The following IHO1 variants were observed in gnomAD, a reference collection of about 807,000 sequenced individuals.
IHO1 encodes the protein interactor of HORMAD1 protein 1.
In IHO1, 13 loss-of-function variants were observed where a neutral mutation model predicts 31.0. The ratio of observed to expected loss-of-function variants is 0.42; its 90% CI spans 0.27 to 0.67. IHO1 has a LOEUF of 0.67. Ranked by LOEUF, IHO1 falls within the 30% of genes least tolerant of loss-of-function variation. IHO1 has a pLI of 0.24. For missense variants in IHO1, 599 were observed against 687.5 expected, an observed-to-expected ratio of 0.87 and a Z score of 1.44; for synonymous variants, 221 against 248.4, an observed-to-expected ratio of 0.89 and a Z score of 1.04.
intron 6 of IHO1, among the ~76,000 whole-genome samples, chr3:49,254,937 G>A (rs151266305): frequency 1.5e-4 from 23 of 152,042 alleles, no homozygotes; most frequent in South Asian, 4.1e-4. Context: ...GGTGGCATGC[G>A]CATGTAATCC....
At chr3:49,224,219 T>C (rs910631999) in intron 2 of IHO1, among the ~76,000 whole-genome samples, 3 of 152,240 alleles carry the variant, frequency 2.0e-5, no homozygotes, top group Non-Finnish European at 4.4e-5. Flanking sequence ...CGGGGAATAC[T>C]GGGGCTTAAT....
intron 4 of IHO1, among the ~76,000 whole-genome samples, chr3:49,242,311 A>G (rs1354469308): frequency 6.7e-6 from 1 of 149,772 alleles, no homozygotes; most frequent in African/African-American, 2.5e-5. Flanking sequence ...TTTTTTTTTC[A>G]GAGATAGTGT....
chr3:49,208,609 G>T (rs2046171308), intron 1 of IHO1, among the ~76,000 whole-genome samples: 1 of 152,222 alleles, frequency 6.6e-6, no homozygotes, highest in African/African-American at 2.4e-5. Flanking sequence ...GAGACCTAAT[G>T]CCTGAGGGAA....
chr3:49,212,423 G>A (rs901306410), intron 2 of IHO1, among the ~76,000 whole-genome samples: 2 of 151,520 alleles, frequency 1.3e-5, no homozygotes, highest in African/African-American at 4.9e-5. Context: ...GGCTGAGGCA[G>A]GAGAACTGCT....
chr3:49,200,640 T>G, intron 1 of IHO1: 20 of 840,446 alleles, frequency 2.4e-5, no homozygotes, highest in Non-Finnish European at 2.7e-5. Context: ...CCAGGGCCCT[T>G]CCCTTGTATA....
chr3:49,204,647 G>A (rs897704961), intron 1 of IHO1, among the ~76,000 whole-genome samples: 1 of 152,176 alleles, frequency 6.6e-6, no homozygotes, highest in Non-Finnish European at 1.5e-5. Flanking sequence ...TCCCAGTCCA[G>A]ACTCCAAGAA....
chr3:49,213,000 G>A (rs529192077), intron 2 of IHO1, among the ~76,000 whole-genome samples: 11 of 152,290 alleles, frequency 7.2e-5, no homozygotes, highest in African/African-American at 2.4e-4. Flanking sequence ...TGATTGGTCC[G>A]TTTTGACAGG....
chr3:49,207,957 A>G (rs1014652943), intron 1 of IHO1, among the ~76,000 whole-genome samples: 2 of 151,994 alleles, frequency 1.3e-5, no homozygotes, highest in Non-Finnish European at 2.9e-5. Context: ...TATTTTTAGT[A>G]GAGACGGGGT....
chr3:49,220,341 G>A (rs899636511), intron 2 of IHO1, among the ~76,000 whole-genome samples: 3 of 152,204 alleles, frequency 2.0e-5, no homozygotes, highest in Non-Finnish European at 4.4e-5. Context: ...TGCCGCAGTA[G>A]ATTTGTGTCC....
At chr3:49,200,556 T>TCAGAA in intron 1 of IHO1, 1 of 977,248 alleles carries the variant, frequency 1.0e-6, no homozygotes, top group Non-Finnish European at 1.2e-6. Context: ...ACGACGGTGG[T>TCAGAA]CAGATGAGGT....
At chr3:49,193,845 C>A (rs1377590336), upstream of IHO1, among the ~76,000 whole-genome samples, 1 of 151,070 alleles carries the variant, frequency 6.6e-6, no homozygotes, top group Non-Finnish European at 1.5e-5. Flanking sequence ...GCCTGTAGTC[C>A]CAGCTACTCA....
chr3:49,196,324 CTT>C (rs904734693), upstream of IHO1, among the ~76,000 whole-genome samples: 11 of 134,586 alleles, frequency 8.2e-5, no homozygotes, highest in Non-Finnish European at 8.0e-5. Context: ...AACGTTTTTA[CTT>C]TTTTTTTTTT....
At chr3:49,240,692 T>G (rs2046620195) in intron 3 of IHO1, among the ~76,000 whole-genome samples, 1 of 152,206 alleles carries the variant, frequency 6.6e-6, no homozygotes, top group Admixed American at 6.5e-5. Flanking sequence ...AAGTATGCTC[T>G]GAAATAAGTA....
In IHO1 at chr3:49,256,266, C is replaced by CT; in HGVS notation, c.770dup (p.Lys258GlufsTer35). The CT allele has an allele frequency of 6.2e-7, 1 of 1,614,192 alleles. No individual in the cohort carries two copies. The highest frequency in any genetic ancestry group is 8.5e-7 in the Non-Finnish European group (1 of 1,180,040). ...GAATGTGCCCAGTGTCCTAGCAGAG[C>CT]TGAAGAGATTGATCTCAGTGCCTCC... is the stretch of plus-strand genomic sequence containing the variant. On this transcript the variant is annotated frameshift_variant, in exon 8 of 8. Coordinates refer to ENST00000452691, the MANE Select transcript of IHO1 (RefSeq NM_001135197.2). LOFTEE classifies it low-confidence loss of function (END_TRUNC). This position sits in a 1 kb window ranked among gnomAD's most constrained non-coding sequence, Gnocchi z 4.6.
chr3:49,192,658 A>G, the IHO1 span, among the ~76,000 whole-genome samples: 16 of 152,250 alleles, frequency 1.1e-4, no homozygotes, highest in South Asian at 3.1e-3. Context: ...GCAGTTTGGG[A>G]GGCCGAGGTG....
rs934299528 is a variant in IHO1 at position 49,257,568 on chromosome 3, T to C, written c.*286T>C. 3 of 356,802 alleles carry C rather than the reference T, an allele frequency of 8.4e-6. No homozygotes were observed. Among genetic ancestry groups the C allele is most frequent in the Non-Finnish European group, 1.6e-5 (3 of 192,960 alleles). The allele number at this position is 356,802 out of a possible 1,614,324, so 22.1% of individuals were successfully genotyped here. A position where few individuals can be genotyped will look rare whatever the true frequency, so the allele number is the denominator to read the frequency against. The stretch of plus-strand genomic sequence containing the variant: ...TGTGGGGCATCTGGAGCAGGGTGCC[T>C]GTACTTTGGCGAAAGGCAGGCAGGC... On this transcript the variant is annotated 3_prime_UTR_variant, in exon 8 of 8. Coordinates refer to ENST00000452691, the MANE Select transcript of IHO1 (RefSeq NM_001135197.2).
At chr3:49,246,868 T>G (rs1387919684) in intron 6 of IHO1, among the ~76,000 whole-genome samples, 1 of 151,718 alleles carries the variant, frequency 6.6e-6, no homozygotes, top group African/African-American at 2.4e-5. Flanking sequence ...CTTTTTTTTT[T>G]TTTGAGACGA....
In IHO1 at chr3:49,216,712, C is replaced by T. The variant is rs146422722; in HGVS notation, c.56+4876C>T. On this transcript the variant is annotated intron_variant, in intron 2 of 7. Coordinates refer to ENST00000452691, the MANE Select transcript of IHO1 (RefSeq NM_001135197.2). ...ATCATCAGAGTGAACAGGCACCCTA[C>T]GGAATGGGAGAAAATTTTTGCAATC... Among the ~76,000 whole-genome samples the T allele has an allele frequency of 1.6e-3, 240 of 148,680 alleles. 1 individual carries two copies. The highest frequency in any genetic ancestry group is 1.1e-3 in the Non-Finnish European group (76 of 66,732).
At chr3:49,215,921 T>A (rs2107692234) in intron 2 of IHO1, among the ~76,000 whole-genome samples, 1 of 152,318 alleles carries the variant, frequency 6.6e-6, no homozygotes, top group East Asian at 1.9e-4. Context: ...CAAAAACAAC[T>A]GTCTATGGGA....
Sources: gnomAD v4.1 joint callset for allele counts (sites outside exome capture counted in the v4.1 genomes callset) on GRCh38, gnomAD v4.1.1 for gene constraint, Gnocchi (gnomAD v3.1) non-coding constraint, MANE v1.5 for transcripts, NCBI Gene and HGNC (gene_info 2026-07-23, HGNC 2026-07-21) for gene names.